ZFHX3: variants seen among roughly 807,000 people sequenced by gnomAD.
The protein encoded by ZFHX3 is zinc finger homeobox protein 3.
ZFHX3 carries 42 observed loss-of-function variants against 279.1 expected under a neutral mutation model. The observed-to-expected ratio is 0.15, with a 90% CI of 0.12 to 0.19. ZFHX3 has a LOEUF of 0.19. Among genes scored for constraint, ZFHX3 ranks in the 10% least tolerant of loss-of-function variants. The probability of loss-of-function intolerance (pLI) is 1.00; values close to 1 mark genes in which losing one functional copy is unlikely to be tolerated. For missense variants in ZFHX3, 4,981 were observed against 4,754.0 expected, an observed-to-expected ratio of 1.05 and a Z score of -1.40; for synonymous variants, 2,293 against 1,957.8, an observed-to-expected ratio of 1.17 and a Z score of -4.52.
At chr16:73,742,993 A>C (rs2053672766) in intron 1 of ZFHX3, among the ~76,000 whole-genome samples, 1 of 152,214 alleles carries the variant, frequency 6.6e-6, no homozygotes, top group Admixed American at 6.5e-5. Context: ...AGGAAATGAG[A>C]GTCCTTTATA....
chr16:73,684,815 T>A (rs139242277), intron 1 of ZFHX3, among the ~76,000 whole-genome samples: 29 of 151,770 alleles, frequency 1.9e-4, no homozygotes, highest in African/African-American at 7.0e-4. Context: ...ATTCTCCTGC[T>A]TCAGCCTCCT....
At chr16:73,006,640 G>T (rs1963711578) in intron 1 of ZFHX3, among the ~76,000 whole-genome samples, 1 of 149,762 alleles carries the variant, frequency 6.7e-6, no homozygotes, top group East Asian at 2.0e-4. Context: ...AGAAAAAAAA[G>T]AAAGAAACGA....
intron 1 of ZFHX3, among the ~76,000 whole-genome samples, chr16:72,992,116 A>G (rs968144047): frequency 6.6e-6 from 1 of 152,214 alleles, no homozygotes; most frequent in African/African-American, 2.4e-5. Context: ...ATAGTCAACC[A>G]TTAAAAGTCC....
intron 4 of ZFHX3, among the ~76,000 whole-genome samples, chr16:72,850,145 G>A (rs1411972963): frequency 6.6e-6 from 1 of 152,136 alleles, no homozygotes; most frequent in Non-Finnish European, 1.5e-5. Flanking sequence ...GAAAACACAA[G>A]CCACAGCCAT....
intron 2 of ZFHX3, among the ~76,000 whole-genome samples, chr16:72,955,793 A>AAC (rs1961226233): frequency 6.6e-6 from 1 of 151,652 alleles, no homozygotes; most frequent in Non-Finnish European, 1.5e-5. Context: ...AAAAAAAAAA[A>AAC]AACCCTCACT....
rs920262523 is a variant in ZFHX3, at chr16:72,795,470, G to A, written c.7212C>T (p.Ser2404=). 2.0e-5 allele frequency: 33 copies of A among 1,614,070 alleles called. No individual in the cohort carries two copies. Among genetic ancestry groups the A allele is most frequent in the African/African-American group, 8.0e-5 (6 of 74,912 alleles). ...PAPSANNTAS[S]AFLQLTAEAE... ...CCTCCGCTGTAAGCTGCAAGAAAGC[G>A]GAGGAAGCTGTATTATTGGCTGATG... The change falls in exon 9 of 10, where the codon TCC becomes TCT. Residue 2404 remains serine (S), a synonymous_variant. Coordinates refer to ENST00000268489, the MANE Select transcript of ZFHX3 (RefSeq NM_006885.4).
At chr16:73,797,904 C>G (rs1482983352) in intron 1 of ZFHX3, among the ~76,000 whole-genome samples, 2 of 146,618 alleles carry the variant, frequency 1.4e-5, no homozygotes, top group Non-Finnish European at 3.0e-5. Flanking sequence ...ACCTCTTTCT[C>G]CTGGGTTCAA....
intron 1 of ZFHX3, among the ~76,000 whole-genome samples, chr16:73,861,733 A>C (rs1961885942): frequency 6.6e-6 from 1 of 152,114 alleles, no homozygotes; most frequent in South Asian, 2.1e-4. Context: ...AGTGGCTCAC[A>C]CCTGTAATCC....
At chr16:73,023,493 G>A (rs1235204647) in intron 1 of ZFHX3, among the ~76,000 whole-genome samples, 1 of 152,132 alleles carries the variant, frequency 6.6e-6, no homozygotes, top group Admixed American at 6.5e-5. Flanking sequence ...AGCAAGACAA[G>A]TGTGCACACT....
intron 5 of ZFHX3, among the ~76,000 whole-genome samples, chr16:73,206,186 T>G (rs1567418218): frequency 6.6e-6 from 1 of 152,200 alleles, no homozygotes; most frequent in African/African-American, 2.4e-5. Flanking sequence ...AATCAAAGAT[T>G]GAATTAATAG....
chr16:73,253,459 T>TG (rs987784020), intron 5 of ZFHX3, among the ~76,000 whole-genome samples: 3 of 150,634 alleles, frequency 2.0e-5, no homozygotes, highest in Non-Finnish European at 4.4e-5. Context: ...CTTTCTCTTT[T>TG]TTTTTTTTTT....
chr16:73,856,087 TA>T (rs1160245759), intron 1 of ZFHX3, among the ~76,000 whole-genome samples: 1 of 152,166 alleles, frequency 6.6e-6, no homozygotes, highest in Admixed American at 6.5e-5. Context: ...CCTTACATTT[TA>T]AAAGCAGTTT....
chr16:73,749,085 G>A (rs1044992905), intron 1 of ZFHX3, among the ~76,000 whole-genome samples: 2 of 151,806 alleles, frequency 1.3e-5, no homozygotes, highest in African/African-American at 2.4e-5. Context: ...ACCATGCCCG[G>A]CCCCAAACTC....
chr16:73,330,634 T>C (rs2015784104), intron 3 of ZFHX3, among the ~76,000 whole-genome samples: 1 of 151,774 alleles, frequency 6.6e-6, no homozygotes, highest in African/African-American at 2.4e-5. Flanking sequence ...GGCTGATGGG[T>C]GGATGTGGAT....
intron 7 of ZFHX3, among the ~76,000 whole-genome samples, chr16:73,096,408 TA>T (rs1476151408): frequency 1.3e-5 from 2 of 149,884 alleles, no homozygotes; most frequent in African/African-American, 5.0e-5. Context: ...CGAACTTCTT[TA>T]TTTTTTTTTT....
chr16:73,458,582 T>C (rs1172702415), intron 2 of ZFHX3, among the ~76,000 whole-genome samples: 1 of 152,086 alleles, frequency 6.6e-6, no homozygotes, highest in Non-Finnish European at 1.5e-5. Context: ...GGTCTCGAAC[T>C]CCTGACCTCA....
chr16:72,831,160 G>A (rs2037051852), intron 4 of ZFHX3, among the ~76,000 whole-genome samples: 1 of 152,062 alleles, frequency 6.6e-6, no homozygotes, highest in African/African-American at 2.4e-5. Context: ...TGTATCTCAC[G>A]AAGGAAGTAA....
At chr16:73,472,209 G>T (rs571442496) in intron 2 of ZFHX3, among the ~76,000 whole-genome samples, 1 of 149,152 alleles carries the variant, frequency 6.7e-6, no homozygotes, top group Admixed American at 6.7e-5. Flanking sequence ...CCCCACAGCC[G>T]CCTGGAACAT....
intron 2 of ZFHX3, among the ~76,000 whole-genome samples, chr16:73,555,101 T>G (rs932324271): frequency 4.0e-5 from 6 of 151,786 alleles, no homozygotes; most frequent in African/African-American, 1.2e-4. Context: ...GAGCGGGAGG[T>G]GGGGGAATCC....
Sources: gnomAD v4.1 joint callset for allele counts (sites outside exome capture counted in the v4.1 genomes callset) on GRCh38, gnomAD v4.1.1 for gene constraint, MANE v1.5 for transcripts, NCBI Gene and HGNC (gene_info 2026-07-23, HGNC 2026-07-21) for gene names.